AFG2A: variants seen among roughly 807,000 people sequenced by gnomAD.
The protein encoded by AFG2A is AAA ATPase AFG2A.
the AFG2A span, among the ~76,000 whole-genome samples, chr4:123,077,776 T>C: frequency 6.6e-6 from 1 of 152,146 alleles, no homozygotes; most frequent in African/African-American, 2.4e-5. Context: ...TACTCTTTGC[T>C]CTGGAGGGGG....
the AFG2A span, among the ~76,000 whole-genome samples, chr4:123,027,964 CA>C: frequency 9.3e-5 from 2 of 21,478 alleles, no homozygotes; most frequent in Non-Finnish European, 1.8e-4. Context: ...GACTTACAAG[CA>C]GAATTTTTTT....
chr4:123,152,129 G>T, the AFG2A span, among the ~76,000 whole-genome samples: 1 of 151,960 alleles, frequency 6.6e-6, no homozygotes, highest in Non-Finnish European at 1.5e-5. Context: ...GCCTGTTGGG[G>T]GATGGGGGTG....
At chr4:123,069,377 A>G in the AFG2A span, among the ~76,000 whole-genome samples, 464 of 152,330 alleles carry the variant, frequency 3.0e-3, 6 homozygotes, top group African/African-American at 0.011. Context: ...CTGTGTTTCT[A>G]CAACCATACT....
chr4:123,114,545 T>G, the AFG2A span, among the ~76,000 whole-genome samples: 1 of 152,170 alleles, frequency 6.6e-6, no homozygotes, highest in African/African-American at 2.4e-5. Flanking sequence ...CACACCTGGC[T>G]GGGCCACAAC....
chr4:122,966,876 T>C, the AFG2A span, among the ~76,000 whole-genome samples: 8 of 152,184 alleles, frequency 5.3e-5, no homozygotes, highest in Admixed American at 2.6e-4. Context: ...TACAATTGTT[T>C]AATGAAGTAA....
At chr4:122,994,687 A>G in the AFG2A span, among the ~76,000 whole-genome samples, 1 of 152,076 alleles carries the variant, frequency 6.6e-6, no homozygotes, top group Non-Finnish European at 1.5e-5. Flanking sequence ...GAGAGGTAGT[A>G]CTCCATTTTC....
chr4:123,077,046 G>GTTT, the AFG2A span, among the ~76,000 whole-genome samples: 6 of 108,558 alleles, frequency 5.5e-5, no homozygotes, highest in South Asian at 3.7e-4. Context: ...TCCTGTTGTT[G>GTTT]TTTTTTTTTT....
At chr4:122,996,651 C>T in the AFG2A span, among the ~76,000 whole-genome samples, 1 of 151,634 alleles carries the variant, frequency 6.6e-6, no homozygotes, top group African/African-American at 2.4e-5. Flanking sequence ...GGGGAATTGG[C>T]TCACACAATT....
At chr4:123,008,726 T>A in the AFG2A span, among the ~76,000 whole-genome samples, 1 of 152,106 alleles carries the variant, frequency 6.6e-6, no homozygotes, top group African/African-American at 2.4e-5. Context: ...TGCTCTAAGG[T>A]AAAATGGGGC....
chr4:123,298,832 T>G, the AFG2A span, among the ~76,000 whole-genome samples: 22 of 152,178 alleles, frequency 1.4e-4, no homozygotes, highest in African/African-American at 4.8e-4. Context: ...TTGATGTGTG[T>G]GGGGGGTTTA....
chr4:123,179,240 G>T, the AFG2A span, among the ~76,000 whole-genome samples: 1 of 152,144 alleles, frequency 6.6e-6, no homozygotes, highest in Non-Finnish European at 1.5e-5. Context: ...GAGCAGACAG[G>T]TTGCCTCCCC....
the AFG2A span, chr4:123,314,906 C>T: frequency 6.6e-6 from 1 of 151,708 alleles, no homozygotes; most frequent in South Asian, 2.1e-4. Context: ...CAGGTGTGCA[C>T]CACCACACGC....
chr4:123,176,543 C>A, the AFG2A span, among the ~76,000 whole-genome samples: 1 of 151,940 alleles, frequency 6.6e-6, no homozygotes, highest in Non-Finnish European at 1.5e-5. Flanking sequence ...ATGTATTATT[C>A]AAGGATGAAT....
the AFG2A span, among the ~76,000 whole-genome samples, chr4:123,208,120 T>G: frequency 1.3e-5 from 2 of 152,220 alleles, no homozygotes; most frequent in Non-Finnish European, 2.9e-5. Context: ...AGTCTGGAAC[T>G]AAATCCATGA....
chr4:122,934,888 C>G, the AFG2A span: 1 of 961,478 alleles, frequency 1.0e-6, no homozygotes, highest in Admixed American at 3.3e-5. Flanking sequence ...TTGGGAGATG[C>G]CAGTTAAATG....
the AFG2A span, among the ~76,000 whole-genome samples, chr4:122,945,429 G>T: frequency 6.6e-6 from 1 of 152,226 alleles, no homozygotes; most frequent in African/African-American, 2.4e-5. Flanking sequence ...AGACTCCGTG[G>T]GCGTAGGACC....
At chr4:123,306,993 T>C in the AFG2A span, among the ~76,000 whole-genome samples, 1 of 152,094 alleles carries the variant, frequency 6.6e-6, no homozygotes, top group African/African-American at 2.4e-5. Flanking sequence ...GCCAAAGAAG[T>C]TAAGGAGCTT....
At chr4:123,046,465 G>T in the AFG2A span, among the ~76,000 whole-genome samples, 1 of 152,210 alleles carries the variant, frequency 6.6e-6, no homozygotes, top group African/African-American at 2.4e-5. Context: ...AATCATTTTG[G>T]AGTACAGTAT....
the AFG2A span, among the ~76,000 whole-genome samples, chr4:123,055,199 C>T: frequency 1.3e-5 from 2 of 152,152 alleles, no homozygotes; most frequent in African/African-American, 4.8e-5. Context: ...GCGTAAAGAC[C>T]TTAAGAGCTC....
Sources: gnomAD v4.1 joint callset for allele counts (sites outside exome capture counted in the v4.1 genomes callset) on GRCh38, gnomAD v4.1.1 for gene constraint, MANE v1.5 for transcripts, NCBI Gene and HGNC (gene_info 2026-07-23, HGNC 2026-07-21) for gene names.